Variants in ADAMTSL1 observed in about 807,000 individuals in gnomAD.
ADAMTSL1 encodes ADAMTS like 1, also known as ADAMTS-like protein 1.
In ADAMTSL1, 126 loss-of-function variants were observed where a neutral mutation model predicts 201.8. That is an observed-to-expected ratio of 0.62 (90% CI 0.54 to 0.72). ADAMTSL1 has a LOEUF of 0.72. Among genes scored for constraint, ADAMTSL1 ranks in the 30% least tolerant of loss-of-function variants. The pLI is 0.00. For missense variants in ADAMTSL1, 2,679 were observed against 2,277.8 expected (o/e 1.18, Z -3.59); for synonymous variants, 1,121 against 903.4 (o/e 1.24, Z -4.32).
At chr9:18,362,161 C>T (rs916328956) in intron 2 of ADAMTSL1, 3 of 152,332 alleles carry the variant, frequency 2.0e-5, no homozygotes, top group Non-Finnish European at 2.9e-5. Context: ...CATAGATTCT[C>T]TCCCAGCTAA....
At chr9:18,706,056 AG>A (rs1832212281) in intron 13 of ADAMTSL1, among the ~76,000 whole-genome samples, 1 of 152,228 alleles carries the variant, frequency 6.6e-6, no homozygotes, top group Non-Finnish European at 1.5e-5. Context: ...CTCCATAGGC[AG>A]GGCAGCCCTG....
At chr9:17,940,864 G>C (rs962817232) in intron 1 of ADAMTSL1, among the ~76,000 whole-genome samples, 1 of 129,404 alleles carries the variant, frequency 7.7e-6, no homozygotes, top group Non-Finnish European at 1.5e-5. Context: ...CCCATGGCCC[G>C]AAGAGTGGTA....
chr9:18,649,357 T>A, intron 7 of ADAMTSL1, among the ~76,000 whole-genome samples: 1 of 152,062 alleles, frequency 6.6e-6, no homozygotes. Flanking sequence ...CTCGGAGTGG[T>A]TTGATCGTCT....
intron 2 of ADAMTSL1, among the ~76,000 whole-genome samples, chr9:18,197,841 T>G (rs1829252186): frequency 6.6e-6 from 1 of 152,032 alleles, no homozygotes; most frequent in Admixed American, 6.6e-5. Flanking sequence ...GGCATCACAC[T>G]ACCTGACTTC....
chr9:18,793,790 C>T (rs1165196699), intron 19 of ADAMTSL1, among the ~76,000 whole-genome samples: 1 of 152,120 alleles, frequency 6.6e-6, no homozygotes, highest in Non-Finnish European at 1.5e-5. Context: ...TCTCCATTGT[C>T]CCTCCAACCC....
At position 18,434,278 on chromosome 9, in the gene ADAMTSL1, C is replaced by T. The variant is rs1037327418; in HGVS notation, c.208-70551C>T. 6.5e-4 allele frequency among the ~76,000 whole-genome samples: 99 copies of T among 152,170 alleles called. 1 individual carries two copies. The highest frequency in any genetic ancestry group is 1.9e-3 in the African/African-American group (78 of 41,444). On this transcript the variant is annotated intron_variant, in intron 2 of 29. Transcript: ENST00000680146. ...CCATTTTCATGAAAAAAACAAGAGG[C>T]TGTGCTCGGTTAGTAAAGAAGAAAT...
chr9:18,757,189 T>G (rs1361960968), intron 16 of ADAMTSL1, among the ~76,000 whole-genome samples: 1 of 152,240 alleles, frequency 6.6e-6, no homozygotes, highest in Non-Finnish European at 1.5e-5. Context: ...TACCAATTTA[T>G]TAATAGCTTT....
At chr9:18,125,120 GA>G (rs1825678922) in intron 1 of ADAMTSL1, among the ~76,000 whole-genome samples, 1 of 152,188 alleles carries the variant, frequency 6.6e-6, no homozygotes, top group South Asian at 2.1e-4. Flanking sequence ...CAATTTACAA[GA>G]GAAAGAGGTT....
intron 2 of ADAMTSL1, among the ~76,000 whole-genome samples, chr9:18,517,331 C>A (rs539446822): frequency 6.6e-6 from 1 of 150,938 alleles, no homozygotes; most frequent in Non-Finnish European, 1.5e-5. Flanking sequence ...TGAAAATAAA[C>A]GTGTTCATTA....
intron 3 of ADAMTSL1, among the ~76,000 whole-genome samples, chr9:18,561,296 AGTC>A (rs1326720809): frequency 6.6e-6 from 1 of 152,188 alleles, no homozygotes; most frequent in African/African-American, 2.4e-5. Flanking sequence ...TTTACCCAGT[AGTC>A]ATTCAGGAGC....
chr9:17,977,122 A>C (rs1003930394), intron 1 of ADAMTSL1, among the ~76,000 whole-genome samples: 4 of 152,028 alleles, frequency 2.6e-5, no homozygotes, highest in African/African-American at 7.2e-5. Flanking sequence ...GGGGTGTATC[A>C]CATTTATTGG....
chr9:18,740,065 T>G lies in ADAMTSL1; in HGVS notation c.2007-13233T>G, dbSNP rs547579243. On this transcript the variant is annotated intron_variant, in intron 15 of 28. Transcript: ENST00000380548. ...ATGGGAAATGGCTTCATCTTTTGCATTCCTCTGCCAAGCCAGGCTTGAATT... is the reference window on the plus strand; with the variant it reads ...ATGGGAAATGGCTTCATCTTTTGCAGTCCTCTGCCAAGCCAGGCTTGAATT... 1.5e-3 allele frequency among the ~76,000 whole-genome samples: 228 copies of G among 152,268 alleles called. 2 individuals are homozygous for G. The highest frequency in any genetic ancestry group is 5.3e-3 in the African/African-American group (219 of 41,548).
At chr9:18,301,435 C>T (rs1046895157) in intron 2 of ADAMTSL1, among the ~76,000 whole-genome samples, 9 of 152,252 alleles carry the variant, frequency 5.9e-5, no homozygotes, top group Admixed American at 1.3e-4. Context: ...TGCCTGAAAC[C>T]GCTGAGAGTA....
intron 13 of ADAMTSL1, among the ~76,000 whole-genome samples, chr9:18,687,158 A>C (rs532193519): frequency 1.3e-4 from 20 of 152,244 alleles, no homozygotes; most frequent in Non-Finnish European, 2.9e-4. Context: ...ATGTAATGAA[A>C]GGTATATGGT....
At chr9:18,019,625 A>G (rs1422744385) in intron 1 of ADAMTSL1, among the ~76,000 whole-genome samples, 1 of 152,090 alleles carries the variant, frequency 6.6e-6, no homozygotes, top group Non-Finnish European at 1.5e-5. Context: ...TACCTGGAAG[A>G]ATTTGTAGGA....
At chr9:18,278,418 G>T (rs979210908) in intron 2 of ADAMTSL1, among the ~76,000 whole-genome samples, 7 of 152,232 alleles carry the variant, frequency 4.6e-5, no homozygotes, top group Middle Eastern at 3.4e-3. Context: ...AGCCTTGCCT[G>T]GTACAGTATT....
At chr9:18,101,078 C>T (rs1382196112) in intron 1 of ADAMTSL1, among the ~76,000 whole-genome samples, 2 of 152,074 alleles carry the variant, frequency 1.3e-5, no homozygotes, top group African/African-American at 2.4e-5. Context: ...CTCTTTCTGT[C>T]ATCTGTGTTG....
At chr9:18,143,591 G>A (rs965146887) in intron 1 of ADAMTSL1, among the ~76,000 whole-genome samples, 6 of 152,210 alleles carry the variant, frequency 3.9e-5, no homozygotes, top group Non-Finnish European at 7.4e-5. Context: ...GTCAAGTGTA[G>A]GCGTGTGCAT....
intron 2 of ADAMTSL1, among the ~76,000 whole-genome samples, chr9:18,298,953 A>G (rs1172970625): frequency 1.3e-5 from 2 of 151,432 alleles, no homozygotes; most frequent in Admixed American, 6.6e-5. Context: ...CGGAGCTTGC[A>G]GTGAGCCGAG....
Sources: gnomAD v4.1 joint callset for allele counts (sites outside exome capture counted in the v4.1 genomes callset) on GRCh38, gnomAD v4.1.1 for gene constraint, MANE v1.5 for transcripts, NCBI Gene and HGNC (gene_info 2026-07-23, HGNC 2026-07-21) for gene names.